DGKG: variants seen among roughly 807,000 people sequenced by gnomAD.
DGKG encodes the protein DAG kinase gamma.
A neutral mutation model predicts 105.3 loss-of-function variants in DGKG; 78 were observed. The observed-to-expected ratio is 0.74, with a 90% confidence interval of 0.62 to 0.89. The LOEUF (loss-of-function observed/expected upper bound fraction) is 0.89. Ranked by LOEUF, DGKG falls within the 40% of genes least tolerant of loss-of-function variation. The pLI, the probability that DGKG is intolerant of heterozygous loss-of-function variation, is 0.00. For missense variants in DGKG, 958 were observed against 1,020.1 expected, an observed-to-expected ratio of 0.94 and a Z score of 0.83; for synonymous variants, 346 against 367.1, an observed-to-expected ratio of 0.94 and a Z score of 0.66.
intron 1 of DGKG, among the ~76,000 whole-genome samples, chr3:186,360,367 G>A (rs576392277): frequency 1.3e-5 from 2 of 152,244 alleles, no homozygotes; most frequent in Non-Finnish European, 1.5e-5. Flanking sequence ...CTGTAGTAAT[G>A]CCTATAGTGC....
intron 20 of DGKG, among the ~76,000 whole-genome samples, chr3:186,217,972 T>C (rs1719377133): frequency 6.6e-6 from 1 of 152,238 alleles, no homozygotes; most frequent in African/African-American, 2.4e-5. Flanking sequence ...GAGTGACTCA[T>C]AACTCACATA....
chr3:186,347,721 T>C (rs1726415753), intron 1 of DGKG, among the ~76,000 whole-genome samples: 1 of 151,906 alleles, frequency 6.6e-6, no homozygotes, highest in Non-Finnish European at 1.5e-5. Flanking sequence ...TAGCTGGGAT[T>C]ATAGATGCCC....
At chr3:186,204,644 T>C (rs1053349345) in intron 21 of DGKG, among the ~76,000 whole-genome samples, 2 of 152,142 alleles carry the variant, frequency 1.3e-5, no homozygotes, top group African/African-American at 4.8e-5. Flanking sequence ...TTTTAAAGTG[T>C]CAGTGGCATT....
At chr3:186,260,562 T>C in intron 15 of DGKG, 49 bp from the exon 16 acceptor site, 2 of 1,276,180 alleles carry the variant, frequency 1.6e-6, no homozygotes, top group Non-Finnish European at 2.3e-6. Context: ...AGAGAAGGAA[T>C]ATGTCATCGT....
In DGKG at chr3:186,210,656, G is replaced by A. The variant is rs1718992058; in HGVS notation, c.1917+1139C>T. On this transcript the variant is annotated intron_variant, in intron 21 of 24. Coordinates refer to ENST00000265022, the MANE Select transcript of DGKG (RefSeq NM_001346.3). This position sits in a 1 kb window ranked among gnomAD's most constrained non-coding sequence, Gnocchi z 5.2. ...GCACAGGGGCCCTTCCGGCAGGGAG[G>A]GGCAGGGCTTTCCTACACCACTCCA... 2.2e-6 allele frequency: 1 copy of A among 453,740 alleles called. No individual in the cohort carries two copies. Among genetic ancestry groups the A allele is most frequent in the Non-Finnish European group, 4.4e-6 (1 of 226,392 alleles). The allele number at this position is 453,740 out of a possible 1,614,324, so 28.1% of individuals were successfully genotyped here.
chr3:186,157,436 A>T (rs1716087710), intron 24 of DGKG, among the ~76,000 whole-genome samples: 1 of 152,026 alleles, frequency 6.6e-6, no homozygotes, highest in Non-Finnish European at 1.5e-5. Flanking sequence ...TCTATTTTTA[A>T]ATGTAATTTT....
At chr3:186,329,114 C>T (rs1215015796) in intron 1 of DGKG, among the ~76,000 whole-genome samples, 1 of 152,094 alleles carries the variant, frequency 6.6e-6, no homozygotes. Context: ...TTATTACCAC[C>T]CCAAGCATCT....
chr3:186,178,345 A>G lies in DGKG; in HGVS notation c.2095+9857T>C, dbSNP rs992620571. On this transcript the variant is annotated intron_variant, in intron 22 of 24. Coordinates refer to ENST00000265022, the MANE Select transcript of DGKG (RefSeq NM_001346.3). ...TGGGATGGAGCTTAGGTGGTGCCCA[A>G]TATGAAATGGTCTATGAATTCTGCA... 3.9e-5 allele frequency among the ~76,000 whole-genome samples: 6 copies of G among 152,182 alleles called. 1 individual carries two copies. Among genetic ancestry groups the G allele is most frequent in the Middle Eastern group, 6.3e-3 (2 of 316 alleles).
Position 186,200,781 on chromosome 3 carries a change from C to A in DGKG, c.1917+11014G>T, listed in dbSNP as rs537542577. ...TGTGACAGGGATGATGGAGTTCTGGCGGGTTTGTGTGGGCTCAAGGAATGC... is the reference window on the plus strand; with the variant it reads ...TGTGACAGGGATGATGGAGTTCTGGAGGGTTTGTGTGGGCTCAAGGAATGC... On this transcript the variant is annotated intron_variant, in intron 21 of 24. Transcript: ENST00000265022. Among the ~76,000 whole-genome samples, 4 of 152,192 alleles carry A rather than the reference C, an allele frequency of 2.6e-5. No individual in the cohort carries two copies. In the East Asian group the frequency reaches 7.7e-4, roughly 29 times the overall value.
chr3:186,299,357 G>A (rs554496088), intron 3 of DGKG, among the ~76,000 whole-genome samples: 22 of 152,282 alleles, frequency 1.4e-4, no homozygotes, highest in African/African-American at 5.3e-4. Context: ...TGGCTTACAT[G>A]TGTATAAACA....
chr3:186,240,063 G>A (rs1720607842), intron 20 of DGKG, among the ~76,000 whole-genome samples: 1 of 152,034 alleles, frequency 6.6e-6, no homozygotes, highest in Non-Finnish European at 1.5e-5. Flanking sequence ...GGGAATTACA[G>A]ATGTTTGGTT....
intron 20 of DGKG, among the ~76,000 whole-genome samples, chr3:186,219,374 C>T (rs765981111): frequency 3.9e-5 from 6 of 152,298 alleles, no homozygotes; most frequent in South Asian, 2.1e-4. Flanking sequence ...AGAACAGGCA[C>T]GCAGTGATCC....
At chr3:186,213,360 A>T (rs989412129) in intron 20 of DGKG, among the ~76,000 whole-genome samples, 38 of 152,224 alleles carry the variant, frequency 2.5e-4, no homozygotes, top group African/African-American at 9.2e-4. Context: ...TGCCATGGCA[A>T]ACATTCTCAT....
At chr3:186,286,221 T>G (rs1233495524) in intron 6 of DGKG, among the ~76,000 whole-genome samples, 1 of 152,146 alleles carries the variant, frequency 6.6e-6, no homozygotes, top group Non-Finnish European at 1.5e-5. Context: ...GGCTTTCGAT[T>G]CTTTGTGATT....
chr3:186,183,183 C>T (rs186462947), intron 22 of DGKG, among the ~76,000 whole-genome samples: 9 of 152,282 alleles, frequency 5.9e-5, no homozygotes, highest in African/African-American at 2.2e-4. Flanking sequence ...ATTTTCTAAA[C>T]ACTAGCCACT....
chr3:186,203,923 G>T lies in DGKG; in HGVS notation c.1917+7872C>A, dbSNP rs1222542128. ...GAGAAGAAGGTTCAGATCATATCAG[G>T]AGAGACCAAGACTTGAAGACCTCTT... is the stretch of plus-strand genomic sequence containing the variant. On this transcript the variant is annotated intron_variant, in intron 21 of 24. Transcript: ENST00000265022. The surrounding 1 kb of genome is among the most constrained non-coding windows in gnomAD (Gnocchi z 4.9). Among the ~76,000 whole-genome samples, 2 of 152,126 alleles carry T rather than the reference G, an allele frequency of 1.3e-5. No homozygotes were observed. The highest frequency in any genetic ancestry group is 2.4e-5 in the African/African-American group (1 of 41,416).
intron 20 of DGKG, among the ~76,000 whole-genome samples, chr3:186,239,174 G>A (rs530911917): frequency 3.4e-4 from 51 of 152,226 alleles, no homozygotes; most frequent in Non-Finnish European, 6.0e-4. Context: ...TAAGTGTTCC[G>A]GACCTGACTA....
chr3:186,283,531 A>G (rs1476080687), intron 7 of DGKG, among the ~76,000 whole-genome samples: 2 of 151,642 alleles, frequency 1.3e-5, no homozygotes, highest in African/African-American at 4.9e-5. Context: ...TTCTTCCAAC[A>G]TTTCCTTTCC....
Position 186,260,451 on chromosome 3 carries a change from C to G in DGKG, c.1412G>C (p.Gly471Ala), listed in dbSNP as rs1399092718. The stretch of plus-strand genomic sequence containing the variant: ...GTGATCTCCATACCCTGGAGTAGGC[C>G]CCCCATTGTCCAGGTTGAAAACTTG... Reference protein sequence around the residue: ...PKQVFNLDNGGPTPGLNFFRD... With the variant: ...PKQVFNLDNGAPTPGLNFFRD... Residue 471 changes from glycine to alanine, a missense_variant, in exon 16 of 25, where the codon GGG becomes GCG. Physicochemically the swap from Gly to Ala is moderately conservative, Grantham distance 60. Around this residue, in one of 2 missense-constraint regions of DGKG, gnomAD observed 643 missense variants for 619.5 expected, o/e 1.04. Coordinates refer to ENST00000265022, the MANE Select transcript of DGKG (RefSeq NM_001346.3). 6.2e-7 allele frequency: 1 copy of G among 1,611,370 alleles called. No individual in the cohort carries two copies. Among genetic ancestry groups the G allele is most frequent in the African/African-American group, 1.3e-5 (1 of 74,880 alleles).
Sources: allele counts gnomAD v4.1 joint callset (sites outside exome capture counted in the v4.1 genomes callset), GRCh38; gene constraint gnomAD v4.1.1; regional missense constraint gnomAD v4.1.1; non-coding constraint Gnocchi (gnomAD v3.1); transcripts MANE v1.5; gene names NCBI Gene and HGNC (gene_info 2026-07-23, HGNC 2026-07-21).